STK32B: variants seen among roughly 807,000 people sequenced by gnomAD.
STK32B encodes serine/threonine-protein kinase 32B.
STK32B carries 43 observed loss-of-function variants against 52.6 expected under a neutral mutation model. The ratio of observed to expected loss-of-function variants is 0.82; its 90% CI spans 0.64 to 1.05. STK32B has a LOEUF of 1.05. Ranked by LOEUF, STK32B falls within the 50% of genes least tolerant of loss-of-function variation. STK32B has a pLI of 0.00. For synonymous variants in STK32B, 238 were observed against 204.3 expected (o/e 1.17, Z -1.41); for missense variants, 621 against 534.6 (o/e 1.16, Z -1.59).
chr4:5,067,840 C>T (rs894234261), intron 1 of STK32B, among the ~76,000 whole-genome samples: 3 of 152,010 alleles, frequency 2.0e-5, no homozygotes, highest in Non-Finnish European at 4.4e-5. Context: ...AGGGGAAGCA[C>T]GCACATCTTA....
At chr4:5,334,136 A>G (rs997997627) in intron 4 of STK32B, among the ~76,000 whole-genome samples, 4 of 151,736 alleles carry the variant, frequency 2.6e-5, no homozygotes, top group East Asian at 1.9e-4. Context: ...ATTTCTTTGT[A>G]TCCTCTTTTA....
intron 3 of STK32B, among the ~76,000 whole-genome samples, chr4:5,239,499 G>A (rs1381079589): frequency 5.3e-5 from 8 of 152,110 alleles, no homozygotes; most frequent in African/African-American, 1.9e-4. Context: ...TGGCTACAGT[G>A]AGGTAATGGG....
chr4:5,128,848 G>A lies in STK32B; in HGVS notation c.53-11057G>A, dbSNP rs113912340. Among the ~76,000 whole-genome samples the A allele has an allele frequency of 8.5e-3, 1,293 of 152,340 alleles. 20 individuals carry two copies. Among genetic ancestry groups the A allele is most frequent in the African/African-American group, 0.029 (1,198 of 41,586 alleles). ...AGGTGAGAAAGGGAAGCTGTGTGCAGACTGCTCTAATCAGAGCCATGAATG... is the reference window on the plus strand; with the variant it reads ...AGGTGAGAAAGGGAAGCTGTGTGCAAACTGCTCTAATCAGAGCCATGAATG... On this transcript the variant is annotated intron_variant, in intron 1 of 11. Coordinates refer to ENST00000282908, the MANE Select transcript of STK32B (RefSeq NM_018401.3).
intron 1 of STK32B, among the ~76,000 whole-genome samples, chr4:5,067,331 G>A (rs1318905608): frequency 6.6e-6 from 1 of 152,100 alleles, no homozygotes; most frequent in South Asian, 2.1e-4. Flanking sequence ...ATGAGATTTG[G>A]GTGGGGACAC....
Position 5,395,814 on chromosome 4 carries a change from A to T in STK32B, c.435-2393A>T, listed in dbSNP as rs1046571643. ...AAAAGTGAGACTGGAGTTGGAACAC[A>T]GACTGTCTAGATCATGGGCTGAATT... On this transcript the variant is annotated intron_variant, in intron 4 of 11. Coordinates refer to ENST00000282908, the MANE Select transcript of STK32B (RefSeq NM_018401.3). This position sits in a 1 kb window ranked among gnomAD's most constrained non-coding sequence, Gnocchi z 4.4. Among the ~76,000 whole-genome samples the T allele has an allele frequency of 2.6e-5, 4 of 152,264 alleles. No homozygotes were observed. The highest frequency in any genetic ancestry group is 5.9e-5 in the Non-Finnish European group (4 of 68,044).
chr4:5,310,568 A>G (rs779318255), intron 3 of STK32B, among the ~76,000 whole-genome samples: 1 of 152,098 alleles, frequency 6.6e-6, no homozygotes, highest in Non-Finnish European at 1.5e-5. Flanking sequence ...AGAAAAGGGA[A>G]CTCTAGCACA....
At chr4:5,052,814 G>C (rs73794743) in intron 1 of STK32B, among the ~76,000 whole-genome samples, 1,812 of 152,214 alleles carry the variant, frequency 0.012, 35 homozygotes, top group African/African-American at 0.04. Context: ...GTGCTGACTC[G>C]CCAGTCTCCA....
chr4:5,214,784 C>T (rs1384387011), intron 3 of STK32B, among the ~76,000 whole-genome samples: 4 of 152,036 alleles, frequency 2.6e-5, no homozygotes, highest in Non-Finnish European at 5.9e-5. Flanking sequence ...TTCATTTTTC[C>T]TTAACATTAT....
intron 4 of STK32B, among the ~76,000 whole-genome samples, chr4:5,381,598 T>C (rs972921244): frequency 6.6e-6 from 1 of 152,226 alleles, no homozygotes; most frequent in African/African-American, 2.4e-5. Flanking sequence ...CACCATCCTA[T>C]ATGGGACTCT....
At chr4:5,474,937 G>C (rs1560445051) in intron 11 of STK32B, among the ~76,000 whole-genome samples, 1 of 152,220 alleles carries the variant, frequency 6.6e-6, no homozygotes, top group Non-Finnish European at 1.5e-5. Flanking sequence ...GCAGGGCCGA[G>C]CTTCCTGGGA....
chr4:5,192,495 C>G (rs140214928), intron 3 of STK32B, among the ~76,000 whole-genome samples: 2 of 152,094 alleles, frequency 1.3e-5, no homozygotes, highest in African/African-American at 2.4e-5. Flanking sequence ...AGATCGCTAA[C>G]GGAAATAGTG....
At chr4:5,452,285 G>T (rs1716076139) in intron 7 of STK32B, among the ~76,000 whole-genome samples, 1 of 152,104 alleles carries the variant, frequency 6.6e-6, no homozygotes, top group Non-Finnish European at 1.5e-5. Flanking sequence ...GCGAGTGGAG[G>T]GAGGTTGCCC....
chr4:5,260,066 AACATACAC>A (rs542972535), intron 3 of STK32B, among the ~76,000 whole-genome samples: 3 of 146,820 alleles, frequency 2.0e-5, no homozygotes, highest in Non-Finnish European at 2.9e-5. Context: ...ACCATATGCA[AACATACAC>A]ACATACACAC....
intron 4 of STK32B, among the ~76,000 whole-genome samples, chr4:5,360,110 C>A (rs1429499728): frequency 6.6e-6 from 1 of 152,122 alleles, no homozygotes; most frequent in African/African-American, 2.4e-5. Flanking sequence ...GAGGAATATT[C>A]CAATGGAAGC....
intron 11 of STK32B, among the ~76,000 whole-genome samples, chr4:5,474,448 C>T (rs922335379): frequency 3.3e-5 from 5 of 152,178 alleles, no homozygotes; most frequent in Non-Finnish European, 7.3e-5. Flanking sequence ...GTGCCATCTG[C>T]GAAGTGCTTT....
At chr4:5,202,327 G>GC (rs765664052) in intron 3 of STK32B, among the ~76,000 whole-genome samples, 9 of 152,234 alleles carry the variant, frequency 5.9e-5, no homozygotes, top group Non-Finnish European at 1.0e-4. Flanking sequence ...GGGCCGCTCT[G>GC]CCCCTGTGGC....
chr4:5,356,595 C>G (rs1490509262), intron 4 of STK32B, among the ~76,000 whole-genome samples: 1 of 152,130 alleles, frequency 6.6e-6, no homozygotes, highest in Non-Finnish European at 1.5e-5. Context: ...TCCCTGCAGT[C>G]GCTTATTGTG....
intron 11 of STK32B, among the ~76,000 whole-genome samples, chr4:5,485,270 T>C (rs984029398): frequency 6.6e-6 from 1 of 152,234 alleles, no homozygotes; most frequent in Non-Finnish European, 1.5e-5. Context: ...TCATATTTCT[T>C]GGAGGCTTTC....
chr4:5,310,267 A>G (rs756154632), intron 3 of STK32B, among the ~76,000 whole-genome samples: 279 of 152,324 alleles, frequency 1.8e-3, no homozygotes, highest in Non-Finnish European at 3.5e-3. Context: ...GAATGGGAGA[A>G]AATATTTGCA....
Sources: allele counts gnomAD v4.1 joint callset (sites outside exome capture counted in the v4.1 genomes callset), GRCh38; gene constraint gnomAD v4.1.1; non-coding constraint Gnocchi (gnomAD v3.1); transcripts MANE v1.5; gene names NCBI Gene and HGNC (gene_info 2026-07-23, HGNC 2026-07-21).